Variants in NCKAP5 observed in about 807,000 individuals in gnomAD.
NCKAP5 encodes the protein NCK associated protein 5, also known as nck-associated protein 5.
In NCKAP5, 92 loss-of-function variants were observed where a neutral mutation model predicts 167.0. The observed-to-expected ratio is 0.55, with a 90% CI of 0.47 to 0.66. The LOEUF (loss-of-function observed/expected upper bound fraction) is 0.66. NCKAP5 is among the 30% of genes least tolerant of loss of function. NCKAP5 has a pLI of 0.00. For synonymous variants in NCKAP5, 891 were observed against 877.4 expected (o/e 1.02, Z -0.27); for missense variants, 2,378 against 2,315.0 (o/e 1.03, Z -0.56).
At chr2:133,658,888 C>G in the NCKAP5 span, among the ~76,000 whole-genome samples, 13 of 151,772 alleles carry the variant, frequency 8.6e-5, no homozygotes, top group African/African-American at 2.7e-4. Context: ...TTGAGGTCAT[C>G]TGCTTGTAGG....
intron 5 of NCKAP5, among the ~76,000 whole-genome samples, chr2:133,134,486 C>A (rs1234349022): frequency 6.6e-6 from 1 of 152,174 alleles, no homozygotes; most frequent in African/African-American, 2.4e-5. Flanking sequence ...CAGTAATTTT[C>A]AGTAACACAC....
chr2:132,962,998 A>G (rs919198967), intron 8 of NCKAP5, among the ~76,000 whole-genome samples: 20 of 151,392 alleles, frequency 1.3e-4, no homozygotes, highest in Non-Finnish European at 2.8e-4. Context: ...GCTTATCGAA[A>G]GGACGTAAGT....
At chr2:133,043,690 C>G (rs984163803) in intron 6 of NCKAP5, among the ~76,000 whole-genome samples, 4 of 152,092 alleles carry the variant, frequency 2.6e-5, no homozygotes, top group Admixed American at 2.0e-4. Flanking sequence ...AAGATTAACT[C>G]CTTTAAGCTT....
At chr2:133,170,253 G>C (rs1408946287) in intron 5 of NCKAP5, among the ~76,000 whole-genome samples, 1 of 152,066 alleles carries the variant, frequency 6.6e-6, no homozygotes, top group African/African-American at 2.4e-5. Context: ...AGGGCAGAGT[G>C]GGGGCAGATA....
chr2:133,251,990 C>T (rs1165043186), intron 4 of NCKAP5, among the ~76,000 whole-genome samples: 1 of 152,032 alleles, frequency 6.6e-6, no homozygotes, highest in African/African-American at 2.4e-5. Flanking sequence ...AGTCATAACC[C>T]ACTAAAATTT....
At chr2:133,371,498 G>A (rs562651144) in intron 3 of NCKAP5, among the ~76,000 whole-genome samples, 5 of 152,292 alleles carry the variant, frequency 3.3e-5, no homozygotes, top group Middle Eastern at 3.4e-3. Flanking sequence ...CATGGAGAGT[G>A]TAATGATGTC....
intron 4 of NCKAP5, among the ~76,000 whole-genome samples, chr2:133,270,065 G>A (rs1328815745): frequency 2.0e-5 from 3 of 152,178 alleles, no homozygotes; most frequent in Non-Finnish European, 4.4e-5. Flanking sequence ...AGACTGGAAT[G>A]CCTATTAAGT....
the NCKAP5 span, among the ~76,000 whole-genome samples, chr2:133,602,386 G>C: frequency 6.6e-6 from 1 of 152,320 alleles, no homozygotes; most frequent in Non-Finnish European, 1.5e-5. Flanking sequence ...TGTAGACAAA[G>C]AGGCTGGGGA....
intron 5 of NCKAP5, among the ~76,000 whole-genome samples, chr2:133,135,086 GAGGGCTGGCGCTAAA>G (rs1405628494): frequency 2.6e-5 from 4 of 152,224 alleles, no homozygotes. Flanking sequence ...GACTAATGGA[GAGGGCTGGCGCTAAA>G]TAAACATCAC....
intron 3 of NCKAP5, among the ~76,000 whole-genome samples, chr2:133,497,341 A>G (rs888316495): frequency 1.6e-4 from 24 of 152,048 alleles, no homozygotes; most frequent in Non-Finnish European, 2.8e-4. Flanking sequence ...TTTTCTTAAT[A>G]CTCCCTTAAT....
intron 8 of NCKAP5, among the ~76,000 whole-genome samples, chr2:132,950,407 C>T (rs1055821009): frequency 4.6e-5 from 7 of 152,058 alleles, no homozygotes; most frequent in African/African-American, 1.2e-4. Flanking sequence ...AATTACATGG[C>T]GATGAGCATG....
chr2:133,232,246 G>A (rs1271625433), intron 4 of NCKAP5, among the ~76,000 whole-genome samples: 1 of 152,148 alleles, frequency 6.6e-6, no homozygotes, highest in Non-Finnish European at 1.5e-5. Context: ...GAGCCCAGGA[G>A]TTCAAGGCCA....
At chr2:133,417,386 A>T (rs1689184589) in intron 3 of NCKAP5, among the ~76,000 whole-genome samples, 1 of 152,146 alleles carries the variant, frequency 6.6e-6, no homozygotes. Context: ...AGGTGAGCCC[A>T]CAGCACTCCT....
chr2:133,143,584 T>C (rs1025538102), intron 5 of NCKAP5, among the ~76,000 whole-genome samples: 2 of 152,112 alleles, frequency 1.3e-5, no homozygotes, highest in Non-Finnish European at 2.9e-5. Context: ...CAGGGAAACA[T>C]GTATGTACAA....
intron 5 of NCKAP5, among the ~76,000 whole-genome samples, chr2:133,190,462 G>A (rs1027784771): frequency 1.3e-5 from 2 of 152,094 alleles, no homozygotes; most frequent in African/African-American, 4.8e-5. Context: ...ACATTGCCAA[G>A]ACAATCCTAA....
intron 3 of NCKAP5, among the ~76,000 whole-genome samples, chr2:133,352,727 G>A (rs1468918924): frequency 6.6e-6 from 1 of 152,216 alleles, no homozygotes; most frequent in South Asian, 2.1e-4. Flanking sequence ...GGGCCTGCCA[G>A]ACAGAGATTT....
the NCKAP5 span, among the ~76,000 whole-genome samples, chr2:133,628,042 A>G: frequency 6.6e-6 from 1 of 152,214 alleles, no homozygotes; most frequent in South Asian, 2.1e-4. Context: ...TATCATACTG[A>G]CTGGGCAAAA....
the NCKAP5 span, among the ~76,000 whole-genome samples, chr2:133,670,934 G>A: frequency 6.6e-6 from 1 of 152,140 alleles, no homozygotes. Context: ...ACAAAGATGA[G>A]GCCAGGCGCA....
the NCKAP5 span, among the ~76,000 whole-genome samples, chr2:133,634,628 A>G: frequency 6.6e-6 from 1 of 152,210 alleles, no homozygotes; most frequent in Non-Finnish European, 1.5e-5. Context: ...TTCTAAATAT[A>G]GAAACATTTT....
Sources: gnomAD v4.1 joint callset for allele counts (sites outside exome capture counted in the v4.1 genomes callset) on GRCh38, gnomAD v4.1.1 for gene constraint, MANE v1.5 for transcripts, NCBI Gene and HGNC (gene_info 2026-07-23, HGNC 2026-07-21) for gene names.